PTPRD: variants seen among roughly 807,000 people sequenced by gnomAD.
PTPRD encodes receptor-type tyrosine-protein phosphatase delta.
In PTPRD, 34 loss-of-function variants were observed where a neutral mutation model predicts 214.5. That is an observed-to-expected ratio of 0.16 (90% confidence interval 0.12 to 0.21). PTPRD has a LOEUF of 0.21. Among genes scored for constraint, PTPRD ranks in the 10% least tolerant of loss-of-function variants. PTPRD has a pLI of 1.00. For synonymous variants in PTPRD, 1,128 were observed against 845.7 expected, an observed-to-expected ratio of 1.33 and a Z score of -5.79; for missense variants, 2,545 against 2,398.7, an observed-to-expected ratio of 1.06 and a Z score of -1.27.
At chr9:9,316,172 T>C (rs1304663905) in intron 9 of PTPRD, among the ~76,000 whole-genome samples, 2 of 151,964 alleles carry the variant, frequency 1.3e-5, no homozygotes, top group Admixed American at 6.6e-5. Flanking sequence ...CTATGAGATA[T>C]TCAGTCCATG....
Position 9,943,587 on chromosome 9 carries a change from A to G in PTPRD, c.-471-4977T>C, listed in dbSNP as rs116428156. On this transcript the variant is annotated intron_variant, in intron 4 of 45. Transcript: ENST00000381196. Reference sequence around the variant, plus strand: ...TGTAATTAAGCAAATAATATGCTATATTAGAAGATATTAGAAGCTGTGGGT... The same window carrying G: ...TGTAATTAAGCAAATAATATGCTATGTTAGAAGATATTAGAAGCTGTGGGT... Among the ~76,000 whole-genome samples, 429 of 152,284 alleles carry G rather than the reference A, an allele frequency of 2.8e-3. 2 individuals are homozygous for G. The highest frequency in any genetic ancestry group is 9.4e-3 in the African/African-American group (390 of 41,560).
chr9:8,331,769 A>T, intron 43 of PTPRD, 33 bp from the exon 44 acceptor site: 1 of 1,544,840 alleles, frequency 6.5e-7, no homozygotes, highest in Non-Finnish European at 8.7e-7. Flanking sequence ...CCGGCCGCAA[A>T]GGAAGACGCC....
intron 33 of PTPRD, among the ~76,000 whole-genome samples, chr9:8,451,355 C>G (rs994854318): frequency 6.6e-6 from 1 of 152,098 alleles, no homozygotes; most frequent in Non-Finnish European, 1.5e-5. Flanking sequence ...ACCCATTCCA[C>G]CAATCAGAGG....
At chr9:9,250,124 G>A (rs2099974854) in intron 9 of PTPRD, among the ~76,000 whole-genome samples, 2 of 151,950 alleles carry the variant, frequency 1.3e-5, no homozygotes, top group African/African-American at 2.4e-5. Flanking sequence ...ATGAACAGTC[G>A]CATACATACA....
At chr9:8,836,045 C>T (rs1027825540) in intron 11 of PTPRD, among the ~76,000 whole-genome samples, 12 of 152,108 alleles carry the variant, frequency 7.9e-5, no homozygotes, top group Admixed American at 7.2e-4. Context: ...TACATATATA[C>T]CGGTTTAATT....
intron 39 of PTPRD, among the ~76,000 whole-genome samples, chr9:8,369,387 C>T (rs1318412969): frequency 6.6e-6 from 1 of 151,926 alleles, no homozygotes; most frequent in Non-Finnish European, 1.5e-5. Flanking sequence ...CCTGGTTGTG[C>T]TTCCATATGC....
At chr9:9,793,594 T>C (rs1034185749) in intron 5 of PTPRD, among the ~76,000 whole-genome samples, 2 of 152,124 alleles carry the variant, frequency 1.3e-5, no homozygotes, top group African/African-American at 4.8e-5. Context: ...CATAAATTAT[T>C]TATTCAGAAA....
Position 8,317,956 on chromosome 9 carries a change from T to C in PTPRD, c.5671-14A>G, listed in dbSNP as rs2130468633. 6.2e-7 allele frequency: 1 copy of C among 1,610,086 alleles called. No homozygotes were observed. The highest frequency in any genetic ancestry group is 8.5e-7 in the Non-Finnish European group (1 of 1,177,130). On this transcript the variant is annotated splice_polypyrimidine_tract_variant and intron_variant, in intron 45 of 45. Coordinates refer to ENST00000381196, the MANE Select transcript of PTPRD (RefSeq NM_002839.4). ...CTGATATTGATCCTGCAGGAGACAA[T>C]GAATGGGGAGAAGCAAAAGAAGGGA...
chr9:9,477,269 C>T (rs1049868070), intron 8 of PTPRD, among the ~76,000 whole-genome samples: 2 of 152,126 alleles, frequency 1.3e-5, no homozygotes, highest in African/African-American at 2.4e-5. Flanking sequence ...CTGATGTGTA[C>T]TTGCCTCTAA....
chr9:8,612,329 CT>C (rs1193152647), intron 14 of PTPRD, among the ~76,000 whole-genome samples: 4 of 152,118 alleles, frequency 2.6e-5, no homozygotes, highest in Non-Finnish European at 4.4e-5. Flanking sequence ...TTCAAAAGCA[CT>C]GAAAAATGTT....
chr9:8,981,644 A>C (rs1036278), intron 11 of PTPRD, among the ~76,000 whole-genome samples: 59,135 of 151,858 alleles, frequency 0.39, 12,045 homozygotes, highest in African/African-American at 0.44. Context: ...ATGTATGAGC[A>C]AAAAAGGAGA....
chr9:8,340,424 G>T lies in PTPRD; in HGVS notation c.5172C>A (p.Thr1724=), dbSNP rs767661711. ...YIATQGPLAE[T]TEDFWRMLWE... The stretch of plus-strand genomic sequence containing the variant: ...AGAGCATCCGCCAGAAGTCTTCAGT[G>T]GTCTCTGCCAAGGGCCCCTGGGTAG... Residue 1724 remains threonine, a synonymous_variant, in exon 42 of 46, where the codon ACC becomes ACA. Coordinates refer to ENST00000381196, the MANE Select transcript of PTPRD (RefSeq NM_002839.4). The T allele has an allele frequency of 1.2e-6, 2 of 1,608,930 alleles. No homozygotes were observed. The highest frequency in any genetic ancestry group is 1.1e-5 in the South Asian group (1 of 90,514).
intron 5 of PTPRD, among the ~76,000 whole-genome samples, chr9:9,877,431 A>G (rs970063928): frequency 1.3e-5 from 2 of 152,136 alleles, no homozygotes; most frequent in Non-Finnish European, 2.9e-5. Context: ...TTAATTTGTG[A>G]TATGGATCAG....
intron 12 of PTPRD, among the ~76,000 whole-genome samples, chr9:8,713,072 T>A (rs2098378586): frequency 6.6e-6 from 1 of 152,184 alleles, no homozygotes; most frequent in African/African-American, 2.4e-5. Context: ...AATCTAGGTA[T>A]GTGTGTGTGC....
chr9:9,101,152 A>G, intron 10 of PTPRD, among the ~76,000 whole-genome samples: 1 of 151,906 alleles, frequency 6.6e-6, no homozygotes, highest in East Asian at 1.9e-4. Context: ...TAGCAAATGA[A>G]CAATAATGAT....
intron 35 of PTPRD, among the ~76,000 whole-genome samples, chr9:8,434,300 A>AT (rs769332614): frequency 7.2e-5 from 11 of 152,060 alleles, no homozygotes; most frequent in Non-Finnish European, 1.5e-4. Context: ...TTTTTACAGT[A>AT]TTTTTTACCT....
At chr9:9,042,686 C>T (rs1458200302) in intron 10 of PTPRD, among the ~76,000 whole-genome samples, 1 of 132,404 alleles carries the variant, frequency 7.6e-6, no homozygotes, top group Non-Finnish European at 1.5e-5. Flanking sequence ...AATCATGTAT[C>T]TTATGACCTC....
intron 7 of PTPRD, among the ~76,000 whole-genome samples, chr9:9,718,485 G>C (rs1486940213): frequency 6.6e-6 from 1 of 152,148 alleles, no homozygotes; most frequent in Non-Finnish European, 1.5e-5. Flanking sequence ...TAAATAGTGA[G>C]GTGGGAGCTC....
rs184816993 is a variant in PTPRD, at chr9:10,609,970, C to A, written c.-600+2428G>T. The stretch of plus-strand genomic sequence containing the variant: ...ATACAGCACTTTATTAGAAAGAACC[C>A]CTTTAGTAAGCACATGTAAGAGGAA... On this transcript the variant is annotated intron_variant, in intron 2 of 45. Transcript: ENST00000381196. Among the ~76,000 whole-genome samples, 98 of 152,140 alleles carry A rather than the reference C, an allele frequency of 6.4e-4. 1 individual carries two copies. Among genetic ancestry groups the A allele is most frequent in the African/African-American group, 2.2e-3 (90 of 41,544 alleles).
Sources: allele counts gnomAD v4.1 joint callset (sites outside exome capture counted in the v4.1 genomes callset), GRCh38; gene constraint gnomAD v4.1.1; transcripts MANE v1.5; gene names NCBI Gene and HGNC (gene_info 2026-07-23, HGNC 2026-07-21).